AFF2: variants seen among roughly 807,000 people sequenced by gnomAD.
AFF2 encodes AF4/FMR2 family member 2.
A neutral mutation model predicts 76.9 loss-of-function variants in AFF2; 14 were observed. That is an observed-to-expected ratio of 0.18 (90% CI 0.12 to 0.28). The LOEUF (loss-of-function observed/expected upper bound fraction) is 0.28, where lower values mean the gene tolerates loss of function less well. Among genes scored for constraint, AFF2 ranks in the 10% least tolerant of loss-of-function variants. AFF2 has a pLI of 1.00. For synonymous variants in AFF2, 398 were observed against 366.7 expected, an observed-to-expected ratio of 1.09 and a Z score of -0.98; for missense variants, 868 against 1,001.1, an observed-to-expected ratio of 0.87 and a Z score of 1.79.
intron 3 of AFF2, among the ~76,000 whole-genome samples, chrX:148,778,246 C>T (rs1050749377): frequency 3.9e-4 from 44 of 111,451 alleles, no homozygotes; most frequent in African/African-American, 1.3e-3. Flanking sequence ...CTGCTGGATT[C>T]GGTTTGCCAG....
chrX:148,945,536 C>T (rs2071890437), intron 9 of AFF2, among the ~76,000 whole-genome samples: 1 of 112,030 alleles, frequency 8.9e-6, no homozygotes, highest in Non-Finnish European at 1.9e-5. Context: ...ATGTGGTCCA[C>T]TGGGAGTTAT....
At chrX:148,567,319 C>T (rs1476591364) in intron 1 of AFF2, among the ~76,000 whole-genome samples, 2 of 111,291 alleles carry the variant, frequency 1.8e-5, no homozygotes, top group African/African-American at 6.5e-5. Flanking sequence ...AGGACAGATA[C>T]AATATTTACT....
intron 4 of AFF2, among the ~76,000 whole-genome samples, chrX:148,817,506 T>C (rs1557272239): frequency 9.0e-6 from 1 of 111,393 alleles, no homozygotes; most frequent in African/African-American, 3.3e-5. Context: ...AAAGCGTCAC[T>C]CCCAGATGGG....
At chrX:148,735,644 G>A (rs782714915) in intron 3 of AFF2, among the ~76,000 whole-genome samples, 16 of 110,810 alleles carry the variant, frequency 1.4e-4, no homozygotes, top group African/African-American at 4.6e-4. Flanking sequence ...TTAAGTTATT[G>A]GGGTACAGGT....
chrX:148,607,316 C>T (rs2053681570), intron 1 of AFF2, among the ~76,000 whole-genome samples: 1 of 111,107 alleles, frequency 9.0e-6, no homozygotes, highest in Non-Finnish European at 1.9e-5. Flanking sequence ...ATAGTAGATC[C>T]CATAATCCCC....
At chrX:148,662,859 T>TAAGG in intron 3 of AFF2, 91 bp downstream of exon 3, 5 of 975,022 alleles carry the variant, frequency 5.1e-6, no homozygotes, top group Non-Finnish European at 7.0e-6. Flanking sequence ...CAGCTCTCAT[T>TAAGG]TACCTTAATG....
At chrX:148,614,730 TTTCC>T (rs782014777) in intron 1 of AFF2, among the ~76,000 whole-genome samples, 942 of 62,909 alleles carry the variant, frequency 0.015, 18 homozygotes, top group Middle Eastern at 0.041. Flanking sequence ...TCTTTCTTTC[TTTCC>T]TTCTTTTCTT....
At chrX:148,964,916 A>G (rs972170068) in intron 13 of AFF2, among the ~76,000 whole-genome samples, 4 of 113,004 alleles carry the variant, frequency 3.5e-5, no homozygotes, top group Admixed American at 9.3e-5. Flanking sequence ...CTTCACATGT[A>G]TCATCAAATC....
rs1557287335 is a variant in AFF2 at position 148,956,309 on chromosome X, C to T, written c.2264C>T (p.Thr755Ile). Residue 755 changes from threonine (T) to isoleucine (I), a missense_variant, in exon 11 of 21, where the codon ACC becomes ATC. Around this residue, in one of 6 missense-constraint regions of AFF2, gnomAD observed 532 missense variants for 564.2 expected, o/e 0.94. Transcript: ENST00000370460. ...AAGGAAATCTGTGGTGCCAGCCTGACCCTCAGCACCTTAATGAGTAGCAGT... is the reference window on the plus strand; with the variant it reads ...AAGGAAATCTGTGGTGCCAGCCTGATCCTCAGCACCTTAATGAGTAGCAGT... ...KSKEICGASL[T>I]LSTLMSSSGS... The T allele has an allele frequency of 8.3e-7, 1 of 1,211,749 alleles. No homozygotes were observed. Among genetic ancestry groups the T allele is most frequent in the Non-Finnish European group, 1.1e-6 (1 of 895,474 alleles).
chrX:148,517,834 G>T (rs868992279), intron 1 of AFF2, among the ~76,000 whole-genome samples: 1 of 103,263 alleles, frequency 9.7e-6, no homozygotes, highest in Non-Finnish European at 2.0e-5. Context: ...TGGCTAACAC[G>T]GTGAAACCCC....
intron 3 of AFF2, among the ~76,000 whole-genome samples, chrX:148,749,508 C>T (rs1384436458): frequency 9.0e-6 from 1 of 111,426 alleles, no homozygotes; most frequent in Non-Finnish European, 1.9e-5. Flanking sequence ...TTCTAAATTG[C>T]ATTAATAATA....
At chrX:148,862,577 C>T (rs1227421676) in intron 7 of AFF2, among the ~76,000 whole-genome samples, 1 of 111,279 alleles carries the variant, frequency 9.0e-6, no homozygotes, top group Non-Finnish European at 1.9e-5. Flanking sequence ...CCCTCTGAAA[C>T]AGCCAAATTA....
chrX:148,570,768 C>A (rs1328856352), intron 1 of AFF2, among the ~76,000 whole-genome samples: 4 of 111,342 alleles, frequency 3.6e-5, no homozygotes, highest in African/African-American at 9.8e-5. Context: ...AAGACGTGTT[C>A]CATGCCTCTT....
intron 3 of AFF2, among the ~76,000 whole-genome samples, chrX:148,773,075 G>T (rs553705566): frequency 7.3e-5 from 8 of 109,491 alleles, no homozygotes; most frequent in Middle Eastern, 4.7e-3. Flanking sequence ...TAAAAATAAA[G>T]ATAAAAAAGA....
chrX:148,989,746 C>T (rs1434068931), intron 20 of AFF2, among the ~76,000 whole-genome samples: 1 of 112,234 alleles, frequency 8.9e-6, no homozygotes, highest in Admixed American at 9.4e-5. Flanking sequence ...GAAGTTGGTT[C>T]TCCCAGTGAA....
intron 3 of AFF2, among the ~76,000 whole-genome samples, chrX:148,772,363 A>G (rs1557268164): frequency 8.9e-6 from 1 of 112,117 alleles, no homozygotes. Flanking sequence ...AAAGGATTAT[A>G]GAGGCATCTG....
At position 148,696,697 on chromosome X, in the gene AFF2, A is replaced by G. The variant is rs781954677; in HGVS notation, c.1041+33929A>G. On this transcript the variant is annotated intron_variant, in intron 3 of 20. Coordinates refer to ENST00000370460, the MANE Select transcript of AFF2 (RefSeq NM_002025.4). ...TTAAAGGATATTTGTGTCACATGTC[A>G]GTGTTGTGTTTTTAAGAACAAGACA... Among the ~76,000 whole-genome samples, 20 of 112,149 alleles carry G rather than the reference A, an allele frequency of 1.8e-4. No individual in the cohort carries two copies. In the South Asian group the frequency reaches 7.1e-3, roughly 40 times the overall value.
chrX:148,581,411 C>CATACACGT lies in AFF2; in HGVS notation c.48-70585_48-70584insCACGTATA, dbSNP rs2053396511. ...ACGTATATACGTATACGTGTACACA[C>CATACACGT]ATATACGTATACGTCTACGTGTACA... is the stretch of plus-strand genomic sequence containing the variant. On this transcript the variant is annotated intron_variant, in intron 1 of 20. Transcript: ENST00000370460. 1.2e-4 allele frequency among the ~76,000 whole-genome samples: 6 copies of CATACACGT among 48,551 alleles called. 2 individuals carry two copies. Among genetic ancestry groups the CATACACGT allele is most frequent in the African/African-American group, 3.8e-4 (6 of 15,968 alleles). 42.2% of individuals were successfully genotyped at this position (48,551 alleles called of 115,157 possible).
At chrX:148,949,187 C>T (rs1166941483) in intron 9 of AFF2, among the ~76,000 whole-genome samples, 6 of 111,506 alleles carry the variant, frequency 5.4e-5, no homozygotes, top group African/African-American at 2.0e-4. Context: ...GCCTCTCCAT[C>T]TTATCTGCAT....
Sources: allele counts gnomAD v4.1 joint callset (sites outside exome capture counted in the v4.1 genomes callset), GRCh38; gene constraint gnomAD v4.1.1; regional missense constraint gnomAD v4.1.1; transcripts MANE v1.5; gene names NCBI Gene and HGNC (gene_info 2026-07-23, HGNC 2026-07-21).